NTM: variants seen among roughly 807,000 people sequenced by gnomAD.
NTM encodes IgLON family member 2.
A neutral mutation model predicts 42.1 loss-of-function variants in NTM; 13 were observed. That is an observed-to-expected ratio of 0.31 (90% confidence interval 0.20 to 0.49). The LOEUF is 0.49. NTM is among the 20% of genes least tolerant of loss of function. The pLI is 0.99. For synonymous variants in NTM, 187 were observed against 179.2 expected, an observed-to-expected ratio of 1.04 and a Z score of -0.35; for missense variants, 373 against 452.8, an observed-to-expected ratio of 0.82 and a Z score of 1.60.
chr11:131,601,122 G>A (rs1308460112), intron 1 of NTM, among the ~76,000 whole-genome samples: 1 of 152,212 alleles, frequency 6.6e-6, no homozygotes, highest in Non-Finnish European at 1.5e-5. Context: ...CCAGGAGGCA[G>A]GATGGGATCT....
intron 2 of NTM, among the ~76,000 whole-genome samples, chr11:132,063,994 G>A (rs1022604229): frequency 5.9e-5 from 9 of 152,290 alleles, no homozygotes; most frequent in African/African-American, 1.2e-4. Context: ...ACTTTAGCAC[G>A]TGGGCACCAC....
intron 2 of NTM, among the ~76,000 whole-genome samples, chr11:131,962,274 C>A (rs2062278591): frequency 1.3e-5 from 2 of 152,148 alleles, no homozygotes; most frequent in Non-Finnish European, 2.9e-5. Context: ...AGGTCGAGAG[C>A]AGTTTCATGC....
At chr11:132,010,479 A>C (rs1037589476) in intron 2 of NTM, among the ~76,000 whole-genome samples, 1 of 152,166 alleles carries the variant, frequency 6.6e-6, no homozygotes. Context: ...GACCTCTGCT[A>C]TACTTCTTTG....
chr11:131,691,851 T>C (rs2074801561), intron 1 of NTM, among the ~76,000 whole-genome samples: 1 of 152,228 alleles, frequency 6.6e-6, no homozygotes, highest in African/African-American at 2.4e-5. Context: ...TGTTACTCAT[T>C]ACTCATAACA....
intron 2 of NTM, among the ~76,000 whole-genome samples, chr11:131,934,710 A>G (rs978747068): frequency 6.6e-6 from 1 of 152,154 alleles, no homozygotes; most frequent in South Asian, 2.1e-4. Context: ...TGAGATGTCA[A>G]TGGAGAGAAG....
intron 1 of NTM, among the ~76,000 whole-genome samples, chr11:131,508,830 A>C: frequency 6.7e-6 from 1 of 149,978 alleles, no homozygotes; most frequent in African/African-American, 2.5e-5. Context: ...GTGGGAATTG[A>C]ACAATGAGAT....
At chr11:132,258,286 T>C (rs1591577839) in intron 4 of NTM, among the ~76,000 whole-genome samples, 1 of 152,234 alleles carries the variant, frequency 6.6e-6, no homozygotes, top group East Asian at 1.9e-4. Context: ...TGCTTCTGTC[T>C]ATCCATCAGT....
intron 1 of NTM, among the ~76,000 whole-genome samples, chr11:131,411,135 A>T (rs1365365438): frequency 6.6e-6 from 1 of 152,152 alleles, no homozygotes; most frequent in Admixed American, 6.5e-5. Context: ...ACTCTGCTAA[A>T]ATATCACTTT....
At chr11:132,103,121 T>C (rs1265395459) in intron 2 of NTM, among the ~76,000 whole-genome samples, 3 of 152,234 alleles carry the variant, frequency 2.0e-5, no homozygotes, top group Non-Finnish European at 1.5e-5. Flanking sequence ...CAGGGGCAGA[T>C]GTTTCTGGAG....
chr11:131,585,222 A>AG (rs551202738), intron 1 of NTM, among the ~76,000 whole-genome samples: 3 of 152,158 alleles, frequency 2.0e-5, no homozygotes, highest in African/African-American at 7.2e-5. Flanking sequence ...TGGATTCCGG[A>AG]GGGGTTTTTC....
chr11:131,934,495 T>C (rs1322708608), intron 2 of NTM, among the ~76,000 whole-genome samples: 2 of 152,228 alleles, frequency 1.3e-5, no homozygotes, highest in Non-Finnish European at 1.5e-5. Context: ...GAAATTTTTA[T>C]TATGTGCATG....
intron 2 of NTM, among the ~76,000 whole-genome samples, chr11:132,096,319 T>G (rs757203012): frequency 2.0e-5 from 3 of 152,220 alleles, no homozygotes; most frequent in Non-Finnish European, 4.4e-5. Flanking sequence ...TATTTCCTAG[T>G]GCAACCTCTC....
At chr11:131,528,056 G>C (rs754598102) in intron 1 of NTM, among the ~76,000 whole-genome samples, 1 of 152,164 alleles carries the variant, frequency 6.6e-6, no homozygotes, top group East Asian at 1.9e-4. Flanking sequence ...TAATGCAAAT[G>C]TTCCAAATTT....
chr11:131,703,528 A>G (rs2076278162), intron 1 of NTM, among the ~76,000 whole-genome samples: 1 of 152,222 alleles, frequency 6.6e-6, no homozygotes, highest in South Asian at 2.1e-4. Flanking sequence ...ACATCATAAA[A>G]TTTAAAAACA....
chr11:131,676,693 T>A (rs376050256), intron 1 of NTM, among the ~76,000 whole-genome samples: 5 of 152,178 alleles, frequency 3.3e-5, no homozygotes, highest in African/African-American at 1.2e-4. Flanking sequence ...CCTGGTGCAC[T>A]TTTTCTTCGT....
intron 1 of NTM, among the ~76,000 whole-genome samples, chr11:131,418,839 C>T (rs1303138075): frequency 6.6e-6 from 1 of 152,182 alleles, no homozygotes; most frequent in Non-Finnish European, 1.5e-5. Flanking sequence ...CATATGTATG[C>T]AAAGTCTCAG....
chr11:131,803,341 G>A (rs565685153), intron 1 of NTM, among the ~76,000 whole-genome samples: 165 of 150,698 alleles, frequency 1.1e-3, no homozygotes, highest in South Asian at 6.5e-3. Flanking sequence ...TCACTCTGTC[G>A]CCAGGCTGGA....
chr11:131,878,585 AAAAAAAAAAATATATATATATATATATAT>A (rs2048890486), intron 1 of NTM, among the ~76,000 whole-genome samples: 1 of 52,908 alleles, frequency 1.9e-5, no homozygotes, highest in Middle Eastern at 6.3e-3. Flanking sequence ...AAAAAAAAAA[AAAAAAAAAAATATATATATATATATATAT>A]ATATATATAT....
intron 6 of NTM, among the ~76,000 whole-genome samples, chr11:132,311,640 C>A (rs1365589379): frequency 6.6e-6 from 1 of 152,170 alleles, no homozygotes; most frequent in African/African-American, 2.4e-5. Flanking sequence ...AATTATTGAA[C>A]CAAACCAAAC....
Sources: allele counts gnomAD v4.1 joint callset (sites outside exome capture counted in the v4.1 genomes callset), GRCh38; gene constraint gnomAD v4.1.1; transcripts MANE v1.5; gene names NCBI Gene and HGNC (gene_info 2026-07-23, HGNC 2026-07-21).